Variants in HAUS7 observed in about 807,000 individuals in gnomAD.
The protein encoded by HAUS7 is HAUS augmin-like complex subunit 7.
HAUS7 carries 3 observed loss-of-function variants against 28.4 expected under a neutral mutation model. The observed-to-expected ratio is 0.11, with a 90% confidence interval of 0.05 to 0.27. The LOEUF is 0.27. Ranked by LOEUF, HAUS7 falls within the 10% of genes least tolerant of loss-of-function variation. HAUS7 has a pLI of 1.00. For missense variants in HAUS7, 284 were observed against 297.3 expected, an observed-to-expected ratio of 0.96 and a Z score of 0.33; for synonymous variants, 165 against 132.1, an observed-to-expected ratio of 1.25 and a Z score of -1.71.
At chrX:153,470,855 A>AAAGGGGCGGGGCGGACACCGGG (rs782735832), upstream of HAUS7, 4 of 373,440 alleles carry the variant, frequency 1.1e-5, no homozygotes, top group Admixed American at 3.0e-5. Flanking sequence ...GGACACCGGG[A>AAAGGGGCGGGGCGGACACCGGG]AAGGGGCGGG....
intron 1 of HAUS7, chrX:153,485,806 G>T: frequency 1.1e-6 from 1 of 901,279 alleles, no homozygotes. Flanking sequence ...ACAACCGGCT[G>T]GTGCACGTGC....
chrX:153,455,593 C>T lies in HAUS7; in HGVS notation c.879G>A (p.Pro293=), dbSNP rs143438621. ...CCQRPGPDLH[P]CGPIIQATHQ... ...GCGTGGCCTGGATGATGGGGCCGCACGGGTGGAGGTCAGGGCCTGGGCGCT... is the reference window on the plus strand; with the variant it reads ...GCGTGGCCTGGATGATGGGGCCGCATGGGTGGAGGTCAGGGCCTGGGCGCT... Residue 293 remains proline (P), a synonymous_variant, in exon 8 of 10, where the codon CCG becomes CCA. Coordinates refer to ENST00000370211, the MANE Select transcript of HAUS7 (RefSeq NM_001385482.1). The T allele has an allele frequency of 9.9e-6, 12 of 1,207,969 alleles. No homozygotes were observed. The highest frequency in any genetic ancestry group is 5.3e-5 in the South Asian group (3 of 56,805).
chrX:153,482,073 A>C (rs1405520087), intron 1 of HAUS7: 2 of 253,778 alleles, frequency 7.9e-6, no homozygotes, highest in Non-Finnish European at 1.1e-5. Flanking sequence ...AGCAGCCAGC[A>C]TGGTGGGCTT....
At chrX:153,448,204 T>C (rs2089188255) in intron 9 of HAUS7, among the ~76,000 whole-genome samples, 1 of 110,719 alleles carries the variant, frequency 9.0e-6, no homozygotes, top group African/African-American at 3.3e-5. Flanking sequence ...CATGGAATAC[T>C]ACGCGGCCCA....
intron 8 of HAUS7, chrX:153,455,136 G>C: frequency 1.9e-6 from 1 of 535,312 alleles, no homozygotes; most frequent in Non-Finnish European, 3.0e-6. Flanking sequence ...TGGGCAGACA[G>C]GCAGGCATTT....
At chrX:153,485,903 A>T (rs781836432) in intron 1 of HAUS7, 89 of 940,303 alleles carry the variant, frequency 9.5e-5, no homozygotes, top group Non-Finnish European at 1.5e-5. Context: ...CGCGCACATG[A>T]AGCCAGGCCT....
At chrX:153,482,941 T>A in intron 1 of HAUS7, 1 of 147,798 alleles carries the variant, frequency 6.8e-6, no homozygotes, top group Non-Finnish European at 1.2e-5. Context: ...CTGCTTCTGC[T>A]GAGGGGGCGT....
chrX:153,477,514 C>G (rs1256982951), intron 1 of HAUS7, among the ~76,000 whole-genome samples: 2 of 113,173 alleles, frequency 1.8e-5, no homozygotes, highest in East Asian at 5.6e-4. Context: ...TTCTCTGTTC[C>G]TTCTCTGTAA....
intron 9 of HAUS7, among the ~76,000 whole-genome samples, chrX:153,451,529 C>T (rs1458899942): frequency 2.7e-5 from 3 of 111,887 alleles, no homozygotes; most frequent in South Asian, 3.7e-4. Flanking sequence ...AAGCCTGGCT[C>T]TCCGAGGAGA....
intron 3 of HAUS7, among the ~76,000 whole-genome samples, chrX:153,464,640 A>G (rs1343250261): frequency 1.8e-5 from 2 of 112,746 alleles, no homozygotes; most frequent in Non-Finnish European, 3.8e-5. Context: ...GAAATGATAG[A>G]AAGGAGGTTA....
intron 1 of HAUS7, among the ~76,000 whole-genome samples, chrX:153,477,782 C>T (rs1044721208): frequency 8.9e-6 from 1 of 112,356 alleles, no homozygotes; most frequent in African/African-American, 3.2e-5. Flanking sequence ...GTGGCAGGGT[C>T]CAAATTCAGG....
At chrX:153,480,814 C>T (rs1291642098) in intron 1 of HAUS7, 2 of 753,935 alleles carry the variant, frequency 2.7e-6, no homozygotes, top group African/African-American at 4.6e-5. Context: ...GCTGAGTGGG[C>T]TCAGCCCCAG....
At chrX:153,448,873 GC>G (rs1237675569) in intron 9 of HAUS7, among the ~76,000 whole-genome samples, 1 of 112,229 alleles carries the variant, frequency 8.9e-6, no homozygotes, top group Admixed American at 9.3e-5. Flanking sequence ...CCTGCCCCCT[GC>G]CCCCCAAGCC....
At position 153,454,379 on chromosome X, in the gene HAUS7, TGG is replaced by T; in HGVS notation, c.1045+13_1045+14del. 2 of 1,011,685 alleles carry T rather than the reference TGG, an allele frequency of 2.0e-6. No individual in the cohort carries two copies. The highest frequency in any genetic ancestry group is 2.8e-6 in the Non-Finnish European group (2 of 713,165). 83.4% of individuals were successfully genotyped at this position (1,011,685 alleles called of 1,213,427 possible). On this transcript the variant is annotated intron_variant, in intron 9 of 9. Transcript: ENST00000370211. ...GGGCAGCCCCAGGCAGAGGGCCAGG[TGG>T]GCAGCCACGTACCTAGACTCATGAC... is the stretch of plus-strand genomic sequence containing the variant.
intron 1 of HAUS7, among the ~76,000 whole-genome samples, chrX:153,483,777 G>C (rs2089617168): frequency 8.9e-6 from 1 of 112,133 alleles, no homozygotes; most frequent in South Asian, 3.8e-4. Flanking sequence ...CCCGTGCCTA[G>C]GCCTGCCCTG....
At chrX:153,455,514 T>C in intron 8 of HAUS7, 28 bp downstream of exon 8, 1 of 964,160 alleles carries the variant, frequency 1.0e-6, no homozygotes, top group African/African-American at 1.9e-5. Context: ...GAGGGGGCGG[T>C]TAGAGGGGAG....
chrX:153,459,814 G>A (rs1556983014), intron 4 of HAUS7, among the ~76,000 whole-genome samples: 2 of 112,361 alleles, frequency 1.8e-5, no homozygotes, highest in South Asian at 3.7e-4. Flanking sequence ...CCAGGAGTTC[G>A]AGACCAGCTT....
chrX:153,465,101 A>G, intron 2 of HAUS7, 46 bp from the exon 3 acceptor site: 1 of 914,476 alleles, frequency 1.1e-6, no homozygotes, highest in Non-Finnish European at 1.6e-6. Flanking sequence ...CAGCCAGAGA[A>G]TCCCCCTGGG....
chrX:153,448,859 C>T (rs1432814341), intron 9 of HAUS7, among the ~76,000 whole-genome samples: 1 of 112,741 alleles, frequency 8.9e-6, no homozygotes, highest in Non-Finnish European at 1.9e-5. Context: ...TGTGCCCCCG[C>T]CCACCTGCCC....
Sources: gnomAD v4.1 joint callset for allele counts (sites outside exome capture counted in the v4.1 genomes callset) on GRCh38, gnomAD v4.1.1 for gene constraint, MANE v1.5 for transcripts, NCBI Gene and HGNC (gene_info 2026-07-23, HGNC 2026-07-21) for gene names.